The following UBOX5 variants were observed in gnomAD, a reference collection of about 807,000 sequenced individuals.
UBOX5 encodes the protein RING finger protein 37.
Under a neutral mutation model 39.0 loss-of-function variants are expected in UBOX5, and 28 were observed. That is an observed-to-expected ratio of 0.72 (90% CI 0.53 to 0.98). The LOEUF (loss-of-function observed/expected upper bound fraction) is 0.98. Ranked by LOEUF, UBOX5 falls within the 50% of genes least tolerant of loss-of-function variation. The pLI is 0.00. For missense variants in UBOX5, 585 were observed against 674.4 expected (o/e 0.87, Z 1.47); for synonymous variants, 283 against 275.5 (o/e 1.03, Z -0.27).
Position 3,108,716 on chromosome 20 carries a change from TGA to T in UBOX5, c.*1388_*1389del, listed in dbSNP as rs142269465. 36,502 of 151,936 alleles carry T rather than the reference TGA, an allele frequency of 0.24. 5,660 individuals are homozygous for T. Among genetic ancestry groups the T allele is most frequent in the Non-Finnish European group, 0.35 (23,845 of 67,860 alleles). 9.4% of individuals were successfully genotyped at this position (151,936 alleles called of 1,614,324 possible). A position where few individuals can be genotyped will look rare whatever the true frequency, so the allele number is the denominator to read the frequency against. On this transcript the variant is annotated 3_prime_UTR_variant, in exon 5 of 5. Transcript: ENST00000217173. ...ATCCAAGCACTTTGGGAGGATCGCTTGAGCCCAGGAGTTTGAGACCAGTCTGG... is the reference window on the plus strand; with the variant it reads ...ATCCAAGCACTTTGGGAGGATCGCTTGCCCAGGAGTTTGAGACCAGTCTGG...
chr20:3,147,493 T>TG, intron 1 of UBOX5: 1 of 1,614,242 alleles, frequency 6.2e-7, no homozygotes, highest in Non-Finnish European at 8.5e-7. Flanking sequence ...CTCTGTAATC[T>TG]GGACACTCAA....
rs374044487 is a variant in UBOX5, at chr20:3,133,756, T to G, written c.-41-10350A>C. Among the ~76,000 whole-genome samples, 878 of 147,894 alleles carry G rather than the reference T, an allele frequency of 5.9e-3. 2 individuals carry two copies. The highest frequency in any genetic ancestry group is 9.5e-3 in the Non-Finnish European group (639 of 67,110). On this transcript the variant is annotated intron_variant, in intron 1 of 4. Coordinates refer to ENST00000217173, the MANE Select transcript of UBOX5 (RefSeq NM_014948.4). ...AGCTCTTTTTTTTTCTTATTTTTTT[T>G]GGGGGGGGGAAACAGGCTCTCACTC...
chr20:3,109,864 A>T lies in UBOX5; in HGVS notation c.*242T>A. ...GCTGGCTCCAGTGGGTCCTGGGCTC[A>T]GGCAGGGGGGGTGGCAGGGAGGCAG... On this transcript the variant is annotated 3_prime_UTR_variant, in exon 5 of 5. Coordinates refer to ENST00000217173, the MANE Select transcript of UBOX5 (RefSeq NM_014948.4). 1 of 575,868 alleles carries T rather than the reference A, an allele frequency of 1.7e-6. No homozygotes were observed. The highest frequency in any genetic ancestry group is 1.9e-5 in the African/African-American group (1 of 53,408). 35.7% of individuals were successfully genotyped at this position (575,868 alleles called of 1,614,324 possible). A position where few individuals can be genotyped will look rare whatever the true frequency, so the allele number is the denominator to read the frequency against.
intron 1 of UBOX5, chr20:3,147,497 C>T (rs755825476): frequency 6.2e-7 from 1 of 1,614,218 alleles, no homozygotes; most frequent in Non-Finnish European, 8.5e-7. Flanking sequence ...GTAATCTGGA[C>T]ACTCAATGCC....
At chr20:3,145,005 A>C (rs1457850130) in intron 1 of UBOX5, among the ~76,000 whole-genome samples, 38 of 152,208 alleles carry the variant, frequency 2.5e-4, no homozygotes, top group Admixed American at 2.5e-3. Context: ...GAAAAATATT[A>C]AGTTCACCAA....
At chr20:3,128,771 G>A (rs1278595404) in intron 1 of UBOX5, among the ~76,000 whole-genome samples, 2 of 152,186 alleles carry the variant, frequency 1.3e-5, no homozygotes, top group East Asian at 1.9e-4. Flanking sequence ...GCGGAGGCAA[G>A]AGGATCACTT....
At chr20:3,113,655 G>A (rs537257171) in intron 4 of UBOX5, among the ~76,000 whole-genome samples, 2 of 152,192 alleles carry the variant, frequency 1.3e-5, no homozygotes, top group South Asian at 4.2e-4. Context: ...GGATGGACAG[G>A]ACCTGATAAT....
At chr20:3,135,325 G>A (rs1445283576) in intron 1 of UBOX5, among the ~76,000 whole-genome samples, 1 of 152,096 alleles carries the variant, frequency 6.6e-6, no homozygotes, top group Non-Finnish European at 1.5e-5. Context: ...TAGACTACAG[G>A]AGCCAAGAGG....
Position 3,110,140 on chromosome 20 carries a change from A to ACCGG in UBOX5, c.1588_1591dup (p.Val531AlafsTer4). 1 of 1,612,732 alleles carries ACCGG rather than the reference A, an allele frequency of 6.2e-7. No individual in the cohort carries two copies. The highest frequency in any genetic ancestry group is 1.7e-5 in the Admixed American group (1 of 60,012). ...GACCCGCAGCACGTCTTGGCTAGCA[A>ACCGG]CCGGCCGCTGGCAGGCTGTGCACGT... On this transcript the variant is annotated frameshift_variant, in exon 5 of 5. Coordinates refer to ENST00000217173, the MANE Select transcript of UBOX5 (RefSeq NM_014948.4). LOFTEE classifies it high-confidence loss of function.
intron 1 of UBOX5, among the ~76,000 whole-genome samples, chr20:3,152,100 CAAAAAAAAAAAAAA>C (rs60655157): frequency 1.6e-5 from 1 of 62,884 alleles, no homozygotes; most frequent in Admixed American, 1.9e-4. Flanking sequence ...GACTCTGTCT[CAAAAAAAAAAAAAA>C]AAAAAAAAGA....
Position 3,109,982 on chromosome 20 carries a change from C to G in UBOX5, c.*124G>C. 4 of 1,134,456 alleles carry G rather than the reference C, an allele frequency of 3.5e-6. No individual in the cohort carries two copies. Among genetic ancestry groups the G allele is most frequent in the African/African-American group, 3.1e-5 (2 of 65,536 alleles). 70.3% of individuals were successfully genotyped at this position (1,134,456 alleles called of 1,614,324 possible). A position where few individuals can be genotyped will look rare whatever the true frequency, so the allele number is the denominator to read the frequency against. Reference sequence around the variant, plus strand: ...TATACCGTGAGGTGATGAAGAAGAGCCCCGGGAGGGAGCAGGCAGCTCTGT... The same window carrying G: ...TATACCGTGAGGTGATGAAGAAGAGGCCCGGGAGGGAGCAGGCAGCTCTGT... On this transcript the variant is annotated 3_prime_UTR_variant, in exon 5 of 5. Coordinates refer to ENST00000217173, the MANE Select transcript of UBOX5 (RefSeq NM_014948.4).
chr20:3,110,055 T>G lies in UBOX5; in HGVS notation c.*51A>C. 6.3e-7 allele frequency: 1 copy of G among 1,598,744 alleles called. No homozygotes were observed. Among genetic ancestry groups the G allele is most frequent in the Non-Finnish European group, 8.5e-7 (1 of 1,176,490 alleles). ...AGGGGTGCTGTGGCCCTGCTCCTGT[T>G]CCCCCTCAGCTCCTCCCAGCAATGG... On this transcript the variant is annotated 3_prime_UTR_variant, in exon 5 of 5. Transcript: ENST00000217173.
At chr20:3,156,533 T>C (rs1391396556) in intron 1 of UBOX5, among the ~76,000 whole-genome samples, 2 of 152,130 alleles carry the variant, frequency 1.3e-5, no homozygotes. Context: ...ACTCCTTTCC[T>C]AGTTTAAGTG....
chr20:3,123,254 T>A, intron 2 of UBOX5, 58 bp downstream of exon 2: 1 of 1,554,276 alleles, frequency 6.4e-7, no homozygotes, highest in Non-Finnish European at 8.9e-7. Flanking sequence ...AGGCAGGAAA[T>A]GATGAAACAC....
intron 1 of UBOX5, among the ~76,000 whole-genome samples, chr20:3,141,728 C>T (rs2066518778): frequency 6.6e-6 from 1 of 152,132 alleles, no homozygotes; most frequent in East Asian, 1.9e-4. Context: ...TAACATCATA[C>T]TCAGCCGGGA....
Position 3,149,552 on chromosome 20 carries a change from G to A in UBOX5, c.-42+10214C>T, listed in dbSNP as rs369842299. Among the ~76,000 whole-genome samples, 2 of 152,274 alleles carry A rather than the reference G, an allele frequency of 1.3e-5. No individual in the cohort carries two copies. Among genetic ancestry groups the A allele is most frequent in the Admixed American group, 6.5e-5 (1 of 15,288 alleles). On this transcript the variant is annotated intron_variant, in intron 1 of 4. Transcript: ENST00000217173. This position sits in a 1 kb window ranked among gnomAD's most constrained non-coding sequence, Gnocchi z 4.1. ...ACGGCTAAAGAAGAGACGGTGCTCC[G>A]CTAACATTTGATAGGAAGAAGGAAG...
At chr20:3,128,610 C>G (rs991004159) in intron 1 of UBOX5, among the ~76,000 whole-genome samples, 1 of 152,124 alleles carries the variant, frequency 6.6e-6, no homozygotes, top group Non-Finnish European at 1.5e-5. Flanking sequence ...ACCTATAATC[C>G]GAACACTTTA....
chr20:3,133,125 T>C (rs857249), intron 1 of UBOX5, among the ~76,000 whole-genome samples: 61,383 of 152,008 alleles, frequency 0.4, 14,261 homozygotes, highest in East Asian at 0.56. Context: ...ACAAATGATA[T>C]GTTTCTGTGG....
intron 3 of UBOX5, among the ~76,000 whole-genome samples, chr20:3,116,037 G>A (rs959223178): frequency 1.9e-4 from 29 of 152,292 alleles, no homozygotes; most frequent in African/African-American, 6.5e-4. Context: ...TTACAGGCGT[G>A]AGCCACAGCG....
Sources: allele counts gnomAD v4.1 joint callset (sites outside exome capture counted in the v4.1 genomes callset), GRCh38; gene constraint gnomAD v4.1.1; non-coding constraint Gnocchi (gnomAD v3.1); transcripts MANE v1.5; gene names NCBI Gene and HGNC (gene_info 2026-07-23, HGNC 2026-07-21).